The following MANBA variants were observed in gnomAD, a reference collection of about 807,000 sequenced individuals.
MANBA encodes mannosidase beta, also known as beta-mannosidase.
A neutral mutation model predicts 111.1 loss-of-function variants in MANBA; 83 were observed. The observed-to-expected ratio is 0.75, with a 90% confidence interval of 0.63 to 0.90. The LOEUF is 0.90. Ranked by LOEUF, MANBA falls within the 40% of genes least tolerant of loss-of-function variation. MANBA has a pLI of 0.00. For synonymous variants in MANBA, 370 were observed against 378.7 expected (o/e 0.98, Z 0.27); for missense variants, 1,036 against 1,069.0 (o/e 0.97, Z 0.43).
chr4:102,661,766 C>G (rs769075601), intron 11 of MANBA, among the ~76,000 whole-genome samples: 2 of 152,220 alleles, frequency 1.3e-5, no homozygotes, highest in African/African-American at 2.4e-5. Context: ...TGTTGCAAAT[C>G]TCACAGATGA....
Position 102,714,472 on chromosome 4 carries a change from A to T in MANBA, c.639T>A (p.Cys213Ter). 1.9e-6 allele frequency: 3 copies of T among 1,607,024 alleles called. No individual in the cohort carries two copies. Among genetic ancestry groups the T allele is most frequent in the Non-Finnish European group, 2.6e-6 (3 of 1,173,564 alleles). The change falls in exon 5 of 17, where the codon TGT (cysteine) becomes TGA (stop). Residue 213 changes from cysteine to a stop codon, truncating the protein, a stop_gained. Transcript: ENST00000647097. LOFTEE classifies it high-confidence loss of function. ...KDVRIEAYNI[C>*]HLNYFTFSPI... ...GGGAAAATGTGAAGTAGTTCAGGTG[A>T]CAAATATTATAGGCTTCAATTCTAA... is the stretch of plus-strand genomic sequence containing the variant.
chr4:102,663,198 C>T (rs995743880), intron 11 of MANBA: 3 of 152,076 alleles, frequency 2.0e-5, no homozygotes, highest in African/African-American at 4.8e-5. Context: ...AGTTACTATG[C>T]GTCAGACTGA....
At position 102,760,860 on chromosome 4, in the gene MANBA, C is replaced by T. The variant is rs758839448; in HGVS notation, c.35G>A (p.Cys12Tyr). 7.0e-6 allele frequency: 11 copies of T among 1,571,942 alleles called. No homozygotes were observed. Among genetic ancestry groups the T allele is most frequent in the African/African-American group, 2.7e-5 (2 of 74,236 alleles). ...RLHLLLLLAL[C>Y]GAGTTAAELS... The stretch of plus-strand genomic sequence containing the variant: ...CTCCGCGGCGGTGGTGCCTGCACCG[C>T]ACAGCGCGAGCAGCAGGAGCAGGTG... Residue 12 changes from cysteine (C) to tyrosine (Y), a missense_variant, in exon 1 of 17, where the codon TGC (cysteine) becomes TAC (tyrosine). Transcript: ENST00000647097.
chr4:102,709,310 G>T (rs1164339776), intron 5 of MANBA, among the ~76,000 whole-genome samples: 1 of 74,458 alleles, frequency 1.3e-5, no homozygotes, highest in African/African-American at 7.6e-5. Context: ...AAGGAAGGAA[G>T]GAAGAAAAGA....
intron 1 of MANBA, chr4:102,734,350 C>T: frequency 6.2e-7 from 1 of 1,606,622 alleles, no homozygotes; most frequent in East Asian, 2.2e-5. Flanking sequence ...CAGCAAGCGA[C>T]TTGGGCCATG....
chr4:102,702,145 A>T (rs1436261240), intron 5 of MANBA, among the ~76,000 whole-genome samples: 20 of 149,888 alleles, frequency 1.3e-4, no homozygotes, highest in East Asian at 1.9e-4. Context: ...CTTCCAGTTG[A>T]TCGCATCGGC....
rs1430380837 is a variant in MANBA at position 102,726,601 on chromosome 4, GGGATTTTAAATTCTTTGCTATA to G, written c.238_259del (p.Tyr80ProfsTer10). Reference sequence around the variant, plus strand: ...CAAACATACATACCTAATTTCAAAGGGGATTTTAAATTCTTTGCTATAGGTCCAGTTATCCAAAGAGACCCAT... The same window carrying G: ...CAAACATACATACCTAATTTCAAAGGGGTCCAGTTATCCAAAGAGACCCAT... On this transcript the variant is annotated frameshift_variant, in exon 2 of 17. Coordinates refer to ENST00000647097, the MANE Select transcript of MANBA (RefSeq NM_005908.4). LOFTEE classifies it high-confidence loss of function. 1 of 1,518,106 alleles carries G rather than the reference GGGATTTTAAATTCTTTGCTATA, an allele frequency of 6.6e-7. No homozygotes were observed. The highest frequency in any genetic ancestry group is 1.4e-5 in the African/African-American group (1 of 72,730). 94.0% of individuals were successfully genotyped at this position (1,518,106 alleles called of 1,614,324 possible). A position where few individuals can be genotyped will look rare whatever the true frequency, so the allele number is the denominator to read the frequency against.
intron 7 of MANBA, among the ~76,000 whole-genome samples, chr4:102,681,114 C>A (rs899254194): frequency 1.3e-5 from 2 of 152,134 alleles, no homozygotes; most frequent in Non-Finnish European, 2.9e-5. Flanking sequence ...CCAGCCTGGG[C>A]AACATGGCAG....
intron 10 of MANBA, chr4:102,668,220 A>G (rs1386793154): frequency 2.0e-5 from 3 of 152,350 alleles, no homozygotes; most frequent in Non-Finnish European, 4.4e-5. Context: ...TTCAGCACAC[A>G]GCTCATAAAC....
At chr4:102,746,166 A>C (rs987910510) in intron 1 of MANBA, among the ~76,000 whole-genome samples, 2 of 152,188 alleles carry the variant, frequency 1.3e-5, no homozygotes, top group Non-Finnish European at 2.9e-5. Flanking sequence ...GGTTCATCAG[A>C]GTTAACAAGC....
At chr4:102,698,821 G>A (rs1732866807) in intron 5 of MANBA, among the ~76,000 whole-genome samples, 1 of 151,232 alleles carries the variant, frequency 6.6e-6, no homozygotes, top group African/African-American at 2.4e-5. Flanking sequence ...TTTGGCTTAG[G>A]ATTGACTTGG....
At chr4:102,745,940 T>C (rs1197552038) in intron 1 of MANBA, among the ~76,000 whole-genome samples, 5 of 152,184 alleles carry the variant, frequency 3.3e-5, no homozygotes, top group Non-Finnish European at 2.9e-5. Flanking sequence ...AGTCTAGGTA[T>C]AGGTCTAGAA....
At chr4:102,682,339 A>G (rs1335493211) in intron 7 of MANBA, among the ~76,000 whole-genome samples, 7 of 152,254 alleles carry the variant, frequency 4.6e-5, no homozygotes, top group African/African-American at 1.7e-4. Flanking sequence ...GAAGTATTCT[A>G]TCACTGGCAT....
intron 5 of MANBA, among the ~76,000 whole-genome samples, chr4:102,693,310 C>T (rs1020932675): frequency 5.9e-5 from 9 of 152,284 alleles, no homozygotes; most frequent in South Asian, 4.1e-4. Context: ...TATTGGAACA[C>T]AGATGTTATG....
At chr4:102,751,576 G>C (rs1293687152) in intron 1 of MANBA, 1 of 537,532 alleles carries the variant, frequency 1.9e-6, no homozygotes, top group African/African-American at 1.9e-5. Context: ...CTTATTAAGG[G>C]CCAGTTTCTG....
rs1560752314 is a variant in MANBA, at chr4:102,657,223, G to GGC, written c.1704+458_1704+459insGC. Among the ~76,000 whole-genome samples, 4 of 40,394 alleles carry GGC rather than the reference G, an allele frequency of 9.9e-5. No individual in the cohort carries two copies. The East Asian group carries it at 3.0e-3, about 31-fold the overall frequency. The allele number at this position is 40,394 out of a possible 152,430, so 26.5% of individuals were successfully genotyped here. ...AAAGAGGGAGAGAGAGGAGTGGGGT[G>GGC]GGGGGGGGGTGGGCGGTGGTAATGG... On this transcript the variant is annotated intron_variant, in intron 12 of 16. Coordinates refer to ENST00000647097, the MANE Select transcript of MANBA (RefSeq NM_005908.4).
In MANBA at chr4:102,755,517, C is replaced by T. The variant is rs1358915785; in HGVS notation, c.177+5201G>A. ...ATGTTAGACCTAAAACCATAAAAACCCTAGAAGAAAACCTAGGCAATACCA... is the reference window on the plus strand; with the variant it reads ...ATGTTAGACCTAAAACCATAAAAACTCTAGAAGAAAACCTAGGCAATACCA... On this transcript the variant is annotated intron_variant, in intron 1 of 16. Coordinates refer to ENST00000647097, the MANE Select transcript of MANBA (RefSeq NM_005908.4). Among the ~76,000 whole-genome samples, 3 of 152,200 alleles carry T rather than the reference C, an allele frequency of 2.0e-5. No individual in the cohort carries two copies. The East Asian group carries it at 5.8e-4, about 29-fold the overall frequency.
At chr4:102,743,791 G>C (rs961200824) in intron 1 of MANBA, among the ~76,000 whole-genome samples, 1 of 152,182 alleles carries the variant, frequency 6.6e-6, no homozygotes, top group Admixed American at 6.5e-5. Flanking sequence ...CGTAGTCAAA[G>C]GTTTGGTTTC....
chr4:102,754,345 A>C (rs998603594), intron 1 of MANBA, among the ~76,000 whole-genome samples: 2 of 152,108 alleles, frequency 1.3e-5, no homozygotes, highest in African/African-American at 4.8e-5. Flanking sequence ...TGTACAGTAA[A>C]ATTTAGTTAA....
Sources: allele counts gnomAD v4.1 joint callset (sites outside exome capture counted in the v4.1 genomes callset), GRCh38; gene constraint gnomAD v4.1.1; transcripts MANE v1.5; gene names NCBI Gene and HGNC (gene_info 2026-07-23, HGNC 2026-07-21).